Variants in SDK1 observed in about 807,000 individuals in gnomAD.
SDK1 encodes sidekick cell adhesion molecule 1, also known as protein sidekick-1.
In SDK1, 157 loss-of-function variants were observed where a neutral mutation model predicts 245.5. The observed-to-expected ratio is 0.64, with a 90% CI of 0.56 to 0.73. The LOEUF is 0.73. Among genes scored for constraint, SDK1 ranks in the 30% least tolerant of loss-of-function variants. The probability of loss-of-function intolerance (pLI) is 0.00; values close to 1 mark genes in which losing one functional copy is unlikely to be tolerated. For missense variants in SDK1, 3,583 were observed against 3,002.3 expected (o/e 1.19, Z -4.52); for synonymous variants, 1,647 against 1,278.5 (o/e 1.29, Z -6.15).
chr7:3,525,203 C>T (rs936731677), intron 1 of SDK1, among the ~76,000 whole-genome samples: 3 of 151,622 alleles, frequency 2.0e-5, no homozygotes, highest in African/African-American at 7.3e-5. Context: ...TCTTGGTGGG[C>T]CCTGGAACCA....
In SDK1 at chr7:3,403,819, T is replaced by C. The variant is rs1183055575; in HGVS notation, c.298+101935T>C. On this transcript the variant is annotated intron_variant, in intron 1 of 44. Transcript: ENST00000404826. ...AGCTGCATTACAGGGATTTGAAATA[T>C]CTTACATATATATATATATATATAT... is the stretch of plus-strand genomic sequence containing the variant. Among the ~76,000 whole-genome samples the C allele has an allele frequency of 6.1e-5, 5 of 81,444 alleles. 1 individual carries two copies. The highest frequency in any genetic ancestry group is 3.5e-4 in the East Asian group (1 of 2,878). 53.4% of individuals were successfully genotyped at this position (81,444 alleles called of 152,430 possible). A position where few individuals can be genotyped will look rare whatever the true frequency, so the allele number is the denominator to read the frequency against.
At chr7:3,351,748 A>G (rs1441244187) in intron 1 of SDK1, among the ~76,000 whole-genome samples, 2 of 152,204 alleles carry the variant, frequency 1.3e-5, no homozygotes, top group Non-Finnish European at 2.9e-5. Flanking sequence ...ATATAAAGCA[A>G]AAATATACAG....
At chr7:3,818,554 G>T (rs1583446222) in intron 4 of SDK1, among the ~76,000 whole-genome samples, 1 of 152,190 alleles carries the variant, frequency 6.6e-6, no homozygotes, top group African/African-American at 2.4e-5. Context: ...CTTATTTGCA[G>T]TGCATAGAAC....
chr7:3,822,948 A>G (rs17259496), intron 5 of SDK1, among the ~76,000 whole-genome samples: 1 of 151,824 alleles, frequency 6.6e-6, no homozygotes, highest in Non-Finnish European at 1.5e-5. Context: ...ATGCCTGCCT[A>G]ATTGGTCCCA....
chr7:4,161,799 C>G lies in SDK1; in HGVS notation c.4743C>G (p.Pro1581=). The change falls in exon 32 of 45, where the codon CCC becomes CCG. Residue 1581 remains proline, a synonymous_variant. Transcript: ENST00000404826. ...TGTGTGTTTCAGTTCCAGGAGAGCC[C>G]CCGGGATCTGTCTCAGCGACGCCAC... ...VTTLQDVPGE[P]PGSVSATPHT... is the part of the protein sequence containing the mutation. 1 of 1,614,064 alleles carries G rather than the reference C, an allele frequency of 6.2e-7. No homozygotes were observed. The highest frequency in any genetic ancestry group is 1.1e-5 in the South Asian group (1 of 91,078).
chr7:4,018,094 C>T (rs1786564768), intron 17 of SDK1, among the ~76,000 whole-genome samples: 1 of 152,230 alleles, frequency 6.6e-6, no homozygotes, highest in African/African-American at 2.4e-5. Flanking sequence ...CCTCTCCCAA[C>T]ACAGCCTCAT....
At chr7:3,482,682 G>A (rs966538803) in intron 1 of SDK1, among the ~76,000 whole-genome samples, 2 of 152,134 alleles carry the variant, frequency 1.3e-5, no homozygotes, top group Non-Finnish European at 2.9e-5. Flanking sequence ...ACAATTCAAC[G>A]TGGTCTTCAA....
At chr7:3,611,648 G>C (rs529079067) in intron 1 of SDK1, among the ~76,000 whole-genome samples, 16 of 152,238 alleles carry the variant, frequency 1.1e-4, no homozygotes, top group African/African-American at 3.6e-4. Flanking sequence ...GGTCGTGCTA[G>C]TTTACATTCC....
At chr7:4,093,214 C>T (rs1316760629) in intron 22 of SDK1, among the ~76,000 whole-genome samples, 1 of 152,042 alleles carries the variant, frequency 6.6e-6, no homozygotes, top group Admixed American at 6.5e-5. Flanking sequence ...TCTCTTTGAG[C>T]ATTTTTATGG....
intron 1 of SDK1, among the ~76,000 whole-genome samples, chr7:3,454,423 T>TGTGTGTGTGTGTGCGC (rs1554273965): frequency 1.3e-5 from 2 of 150,042 alleles, no homozygotes; most frequent in African/African-American, 2.5e-5. Flanking sequence ...TGTGTGTGTG[T>TGTGTGTGTGTGTGCGC]GCTGTGTACA....
intron 30 of SDK1, among the ~76,000 whole-genome samples, chr7:4,152,959 C>T (rs182926705): frequency 7.4e-4 from 112 of 152,252 alleles, no homozygotes; most frequent in African/African-American, 2.7e-3. Context: ...GGTAGCCACC[C>T]ACAGAAATGC....
intron 1 of SDK1, among the ~76,000 whole-genome samples, chr7:3,412,532 T>C (rs1779239366): frequency 6.6e-6 from 1 of 152,254 alleles, no homozygotes; most frequent in Non-Finnish European, 1.5e-5. Context: ...CTCTTGTTCA[T>C]GGACATTATA....
chr7:3,505,418 T>G (rs1782362243), intron 1 of SDK1, among the ~76,000 whole-genome samples: 1 of 152,046 alleles, frequency 6.6e-6, no homozygotes, highest in Admixed American at 6.6e-5. Flanking sequence ...CTGGCCAGTT[T>G]TTGAAATCTT....
intron 5 of SDK1, among the ~76,000 whole-genome samples, chr7:3,837,411 A>G (rs1440100731): frequency 6.6e-6 from 1 of 152,180 alleles, no homozygotes; most frequent in Non-Finnish European, 1.5e-5. Context: ...GCATTCTCCT[A>G]AGGAAGAGAC....
In SDK1 at chr7:3,805,340, C is replaced by G. The variant is rs117041065; in HGVS notation, c.714-16110C>G. ...GTCATCTGCAAATAGAGGCAGTTCA[C>G]TTTTTCCTTTCTGACTTGAATGCCT... On this transcript the variant is annotated intron_variant, in intron 4 of 44. Transcript: ENST00000404826. Among the ~76,000 whole-genome samples, 1,332 of 152,348 alleles carry G rather than the reference C, an allele frequency of 8.7e-3. 10 individuals are homozygous for G. The highest frequency in any genetic ancestry group is 0.013 in the Non-Finnish European group (898 of 68,020).
chr7:3,345,484 A>C (rs1212720737), intron 1 of SDK1, among the ~76,000 whole-genome samples: 1 of 152,212 alleles, frequency 6.6e-6, no homozygotes, highest in Non-Finnish European at 1.5e-5. Context: ...TTTAACTTAG[A>C]CATTCTTACA....
At chr7:3,988,651 A>T (rs893904518) in intron 14 of SDK1, among the ~76,000 whole-genome samples, 6 of 152,142 alleles carry the variant, frequency 3.9e-5, no homozygotes, top group African/African-American at 1.4e-4. Flanking sequence ...CAAATATCTC[A>T]TCTCATGGCA....
intron 32 of SDK1, among the ~76,000 whole-genome samples, chr7:4,162,854 A>G (rs1283940515): frequency 6.6e-6 from 1 of 152,242 alleles, no homozygotes; most frequent in East Asian, 1.9e-4. Context: ...AATTTTGGGC[A>G]ATGCTTACTG....
chr7:4,022,333 G>C (rs1786959038), intron 17 of SDK1, among the ~76,000 whole-genome samples: 1 of 152,210 alleles, frequency 6.6e-6, no homozygotes, highest in Non-Finnish European at 1.5e-5. Flanking sequence ...CCTTCAGTGA[G>C]TGGCAGCTTG....
Sources: allele counts gnomAD v4.1 joint callset (sites outside exome capture counted in the v4.1 genomes callset), GRCh38; gene constraint gnomAD v4.1.1; transcripts MANE v1.5; gene names NCBI Gene and HGNC (gene_info 2026-07-23, HGNC 2026-07-21).